Variants in RARS2 observed in about 807,000 individuals in gnomAD.
RARS2 encodes probable arginine--tRNA ligase, mitochondrial.
Under a neutral mutation model 88.5 loss-of-function variants are expected in RARS2, and 67 were observed. The ratio of observed to expected loss-of-function variants is 0.76; its 90% CI spans 0.62 to 0.93. The LOEUF is 0.93. Ranked by LOEUF, RARS2 falls within the 40% of genes least tolerant of loss-of-function variation. The pLI is 0.00. For synonymous variants in RARS2, 239 were observed against 230.3 expected (o/e 1.04, Z -0.34); for missense variants, 664 against 684.2 (o/e 0.97, Z 0.33).
At chr6:87,515,747 G>A (rs1771466877) in intron 18 of RARS2, 2 of 152,096 alleles carry the variant, frequency 1.3e-5, no homozygotes, top group African/African-American at 4.8e-5. Flanking sequence ...CAATGTGCCG[G>A]AGAAATGATA....
chr6:87,524,654 T>C lies in RARS2; in HGVS notation c.879-2A>G. On this transcript the variant is annotated splice_acceptor_variant, in intron 10 of 19. Coordinates refer to ENST00000369536, the MANE Select transcript of RARS2 (RefSeq NM_020320.5). LOFTEE classifies it high-confidence loss of function. ...AGATCTACTACAGCCGTTCCTTTTCTAGAAATTCGAAAAGGTAACTCTGAA... is the reference window on the plus strand; with the variant it reads ...AGATCTACTACAGCCGTTCCTTTTCCAGAAATTCGAAAAGGTAACTCTGAA... The C allele has an allele frequency of 6.2e-7, 1 of 1,600,538 alleles. No homozygotes were observed. The highest frequency in any genetic ancestry group is 8.6e-7 in the Non-Finnish European group (1 of 1,167,956).
At position 87,583,883 on chromosome 6, in the gene RARS2, T is replaced by A. The variant is rs187197176; in HGVS notation, c.36+6039A>T. Among the ~76,000 whole-genome samples, 126 of 152,264 alleles carry A rather than the reference T, an allele frequency of 8.3e-4. 2 individuals are homozygous for A. Among genetic ancestry groups the A allele is most frequent in the African/African-American group, 3.0e-3 (125 of 41,546 alleles). ...AATAAGGATACAATACAAATAGCAATGGCATGACTGAGATGATGAAATGAA... is the reference window on the plus strand; with the variant it reads ...AATAAGGATACAATACAAATAGCAAAGGCATGACTGAGATGATGAAATGAA... On this transcript the variant is annotated intron_variant, in intron 1 of 19. Transcript: ENST00000369536.
chr6:87,589,840 C>A, intron 1 of RARS2, 82 bp downstream of exon 1: 2 of 1,613,840 alleles, frequency 1.2e-6, no homozygotes, highest in Non-Finnish European at 1.7e-6. Flanking sequence ...CTCCAGCTGA[C>A]TGAGGACTGG....
rs777633439 is a variant in RARS2, at chr6:87,519,667, T to G, written c.1153A>C (p.Thr385Pro). 1.2e-6 allele frequency: 2 copies of G among 1,613,518 alleles called. No homozygotes were observed. The highest frequency in any genetic ancestry group is 1.7e-5 in the Admixed American group (1 of 59,998). The part of the protein sequence containing the change: ...VPFGVVQGMK[T>P]RRGDVTFLED... ...AGGAAAGTGACATCTCCTCTTCGAGTCTTCATTCCCTGTACTACTCCAAAG... is the reference window on the plus strand; with the variant it reads ...AGGAAAGTGACATCTCCTCTTCGAGGCTTCATTCCCTGTACTACTCCAAAG... Residue 385 changes from threonine (T) to proline (P), a missense_variant, in exon 14 of 20, where the codon ACT (threonine) becomes CCT (proline). By Grantham distance (38) the Thr-to-Pro change is conservative (BLOSUM62 -1). Coordinates refer to ENST00000369536, the MANE Select transcript of RARS2 (RefSeq NM_020320.5).
intron 18 of RARS2, chr6:87,516,087 C>T (rs2127991709): frequency 6.6e-6 from 1 of 152,314 alleles, no homozygotes; most frequent in South Asian, 2.1e-4. Flanking sequence ...GAAAACAGTC[C>T]TGTTAAGTGT....
rs545615321 is a variant in RARS2, at chr6:87,536,212, T to C, written c.613-5270A>G. ...AGATACTGTTAGATAATAAAGTCTA[T>C]TCAAATAATTTAAATCTAAAAGGAA... On this transcript the variant is annotated intron_variant, in intron 8 of 19. Transcript: ENST00000369536. 5.3e-5 allele frequency among the ~76,000 whole-genome samples: 8 copies of C among 152,312 alleles called. No homozygotes were observed. The South Asian group carries it at 1.4e-3, about 28-fold the overall frequency.
chr6:87,522,563 A>G (rs913345111), intron 11 of RARS2, among the ~76,000 whole-genome samples: 2 of 152,192 alleles, frequency 1.3e-5, no homozygotes, highest in African/African-American at 2.4e-5. Context: ...CGATCTTTCA[A>G]AATGTTAGGG....
Position 87,514,975 on chromosome 6 carries a change from ACTAT to A in RARS2, c.1628_1631del (p.Asp543ValfsTer20), listed in dbSNP as rs757778880. 8.1e-6 allele frequency: 13 copies of A among 1,612,946 alleles called. No homozygotes were observed. In the African/African-American group the frequency reaches 1.7e-4, roughly 22 times the overall value. ...AACGTACCCCAGCCACTTCAGGAGG[ACTAT>A]CTTTTATTTGTAGTGTTTTGTGTGC... is the stretch of plus-strand genomic sequence containing the variant. On this transcript the variant is annotated frameshift_variant, in exon 19 of 20. Coordinates refer to ENST00000369536, the MANE Select transcript of RARS2 (RefSeq NM_020320.5). LOFTEE classifies it high-confidence loss of function.
At chr6:87,517,766 G>A (rs557764659) in intron 17 of RARS2, among the ~76,000 whole-genome samples, 7 of 152,264 alleles carry the variant, frequency 4.6e-5, no homozygotes, top group Non-Finnish European at 7.4e-5. Flanking sequence ...ATTGTGAACC[G>A]AAACCAAGAG....
intron 1 of RARS2, among the ~76,000 whole-genome samples, chr6:87,572,240 A>G (rs1447605127): frequency 1.3e-5 from 2 of 152,202 alleles, no homozygotes; most frequent in Admixed American, 1.3e-4. Flanking sequence ...ATAATAAACT[A>G]GGGCTCTTGT....
At chr6:87,521,107 T>C (rs1044498010) in intron 12 of RARS2, among the ~76,000 whole-genome samples, 1 of 152,212 alleles carries the variant, frequency 6.6e-6, no homozygotes, top group Non-Finnish European at 1.5e-5. Context: ...CACCGTACTA[T>C]TTTGAAACTT....
chr6:87,564,498 AAT>A (rs1482478662), intron 2 of RARS2: 4 of 411,196 alleles, frequency 9.7e-6, no homozygotes, highest in Admixed American at 3.6e-5. Context: ...CTCTACTAAA[AAT>A]ACACACACAC....
At chr6:87,589,519 G>T (rs1776324408) in intron 1 of RARS2, among the ~76,000 whole-genome samples, 1 of 152,148 alleles carries the variant, frequency 6.6e-6, no homozygotes, top group Non-Finnish European at 1.5e-5. Flanking sequence ...GTGACTGCAA[G>T]AGAAATAAGC....
At chr6:87,533,804 A>G (rs183694222) in intron 8 of RARS2, among the ~76,000 whole-genome samples, 302 of 152,366 alleles carry the variant, frequency 2.0e-3, no homozygotes, top group African/African-American at 7.0e-3. Flanking sequence ...AAGCATGAAA[A>G]TTAAAAGTAG....
chr6:87,548,457 T>A, intron 6 of RARS2, 134 bp downstream of exon 6: 1 of 803,440 alleles, frequency 1.2e-6, no homozygotes, highest in Non-Finnish European at 2.0e-6. Context: ...TTTCCTGAAT[T>A]GGCAGGAGGC....
chr6:87,580,537 G>C (rs1330773748), intron 1 of RARS2, among the ~76,000 whole-genome samples: 1 of 151,574 alleles, frequency 6.6e-6, no homozygotes, highest in Non-Finnish European at 1.5e-5. Context: ...CACTTTGGGA[G>C]GTTGAGGCGG....
chr6:87,559,735 G>A (rs1413947086), intron 4 of RARS2, among the ~76,000 whole-genome samples: 1 of 152,150 alleles, frequency 6.6e-6, no homozygotes, highest in African/African-American at 2.4e-5. Context: ...TAAACCCATT[G>A]TAACCTAAGT....
At chr6:87,539,152 GAAGA>G (rs1780126094) in intron 8 of RARS2, among the ~76,000 whole-genome samples, 4 of 152,260 alleles carry the variant, frequency 2.6e-5, no homozygotes, top group African/African-American at 9.6e-5. Context: ...AGGTGGGGAA[GAAGA>G]AAGATAAAAA....
intron 1 of RARS2, 106 bp from the exon 2 acceptor site, chr6:87,569,696 A>G (rs113170985): frequency 2.3e-6 from 2 of 852,712 alleles, no homozygotes; most frequent in Non-Finnish European, 3.9e-6. Flanking sequence ...AACACGAATG[A>G]GCTCCAAATG....
Sources: gnomAD v4.1 joint callset for allele counts (sites outside exome capture counted in the v4.1 genomes callset) on GRCh38, gnomAD v4.1.1 for gene constraint, MANE v1.5 for transcripts, NCBI Gene and HGNC (gene_info 2026-07-23, HGNC 2026-07-21) for gene names.